The following TATDN1 variants were observed in gnomAD, a reference collection of about 807,000 sequenced individuals.
TATDN1 encodes TatD DNase domain containing 1.
In TATDN1, 40 loss-of-function variants were observed where a neutral mutation model predicts 46.4. That is an observed-to-expected ratio of 0.86 (90% CI 0.67 to 1.12). The LOEUF (loss-of-function observed/expected upper bound fraction) is 1.12, where lower values mean the gene tolerates loss of function less well. Ranked by LOEUF, TATDN1 falls within the 50% of genes most tolerant of loss-of-function variation. The pLI is 0.00. For missense variants in TATDN1, 326 were observed against 348.4 expected (o/e 0.94, Z 0.51); for synonymous variants, 95 against 105.6 (o/e 0.90, Z 0.62).
At chr8:124,510,736 T>C (rs1048129776) in intron 6 of TATDN1, among the ~76,000 whole-genome samples, 2 of 152,016 alleles carry the variant, frequency 1.3e-5, no homozygotes, top group African/African-American at 2.4e-5. Flanking sequence ...GGTGGGAGGA[T>C]TGCTTGAGCC....
At position 124,494,203 on chromosome 8, in the gene TATDN1, TAA is replaced by T. The variant is rs760427967; in HGVS notation, c.665-246_665-245del. ...AACATTGTTGGTGTGCAGCATGCTT[TAA>T]AAAAAAGACCTAAACCTTAAATACA... On this transcript the variant is annotated intron_variant, in intron 10 of 11. Transcript: ENST00000276692. The T allele has an allele frequency of 1.0e-4, 29 of 276,480 alleles. 1 individual carries two copies. Among genetic ancestry groups the T allele is most frequent in the Admixed American group, 6.4e-4 (13 of 20,186 alleles). 17.1% of individuals were successfully genotyped at this position (276,480 alleles called of 1,614,324 possible).
chr8:124,492,115 C>T (rs1237727303), intron 11 of TATDN1, among the ~76,000 whole-genome samples: 7 of 152,078 alleles, frequency 4.6e-5, no homozygotes, highest in African/African-American at 4.8e-5. Context: ...GCTGGCATTA[C>T]GGGCATCCGC....
intron 8 of TATDN1, among the ~76,000 whole-genome samples, chr8:124,506,163 TG>T (rs1338942722): frequency 6.6e-6 from 1 of 151,360 alleles, no homozygotes; most frequent in Non-Finnish European, 1.5e-5. Context: ...GATGAAACCC[TG>T]TCTCTACTGA....
chr8:124,512,149 G>A (rs942277530), intron 6 of TATDN1, among the ~76,000 whole-genome samples: 4 of 152,152 alleles, frequency 2.6e-5, no homozygotes, highest in African/African-American at 9.7e-5. Flanking sequence ...ATGGCCGGGT[G>A]CAGTGGCTCA....
At chr8:124,514,964 GTT>G (rs956837257) in intron 6 of TATDN1, among the ~76,000 whole-genome samples, 1 of 151,928 alleles carries the variant, frequency 6.6e-6, no homozygotes. Context: ...TTTCTTGCTG[GTT>G]TTTTTTAGAG....
At chr8:124,524,111 G>A (rs1820282789) in intron 1 of TATDN1, among the ~76,000 whole-genome samples, 1 of 152,202 alleles carries the variant, frequency 6.6e-6, no homozygotes, top group Non-Finnish European at 1.5e-5. Context: ...TTCTTGGTAT[G>A]TTCTCATTCT....
chr8:124,519,585 ATTTTG>A (rs1330139748), intron 3 of TATDN1, among the ~76,000 whole-genome samples: 3 of 152,198 alleles, frequency 2.0e-5, no homozygotes, highest in African/African-American at 7.2e-5. Flanking sequence ...TATTTAAAAT[ATTTTG>A]TTTTAATTTT....
chr8:124,525,265 C>T (rs549617262), intron 1 of TATDN1, among the ~76,000 whole-genome samples: 2 of 152,272 alleles, frequency 1.3e-5, no homozygotes, highest in African/African-American at 4.8e-5. Context: ...CCTGTCTCAG[C>T]CTCCCAAGTA....
At chr8:124,501,932 G>C (rs147356780) in intron 9 of TATDN1, among the ~76,000 whole-genome samples, 1 of 152,126 alleles carries the variant, frequency 6.6e-6, no homozygotes, top group African/African-American at 2.4e-5. Context: ...TAAAGGATTA[G>C]GAATCAGAGT....
intron 9 of TATDN1, 49 bp from the exon 10 acceptor site, chr8:124,495,591 CCTT>C: frequency 2.1e-6 from 3 of 1,413,422 alleles, no homozygotes; most frequent in Non-Finnish European, 1.9e-6. Flanking sequence ...TTAACGAATA[CCTT>C]TTTTCGTATC....
At chr8:124,537,826 G>T (rs77891434) in intron 1 of TATDN1, among the ~76,000 whole-genome samples, 1 of 151,616 alleles carries the variant, frequency 6.6e-6, no homozygotes, top group Non-Finnish European at 1.5e-5. Flanking sequence ...CTTTTTCCTG[G>T]CACTTAACAT....
At position 124,523,242 on chromosome 8, in the gene TATDN1, T is replaced by C. The variant is rs79656502; in HGVS notation, c.23-240A>G. On this transcript the variant is annotated intron_variant, in intron 1 of 11. Coordinates refer to ENST00000276692, the MANE Select transcript of TATDN1 (RefSeq NM_032026.4). ...GTAAGGCAGATCCATTATCAGACAA[T>C]TATGAAATATTAGAAGTAAACACTG... 1.1e-3 allele frequency: 505 copies of C among 468,574 alleles called. 5 individuals carry two copies. The East Asian group carries it at 0.015, about 14-fold the overall frequency. 29.0% of individuals were successfully genotyped at this position (468,574 alleles called of 1,614,324 possible).
intron 6 of TATDN1, among the ~76,000 whole-genome samples, chr8:124,509,758 G>A (rs1261520460): frequency 6.6e-6 from 1 of 152,082 alleles, no homozygotes; most frequent in African/African-American, 2.4e-5. Context: ...CAGTCTTCAG[G>A]CCGGGCGTGG....
At chr8:124,508,431 A>C in intron 8 of TATDN1, 43 bp downstream of exon 8, 12 of 1,557,132 alleles carry the variant, frequency 7.7e-6, no homozygotes, top group Non-Finnish European at 1.1e-5. Context: ...TTTTTGGATT[A>C]GAGATGTTCA....
At chr8:124,504,416 A>G in intron 8 of TATDN1, 69 bp from the exon 9 acceptor site, 1 of 1,109,590 alleles carries the variant, frequency 9.0e-7, no homozygotes, top group Non-Finnish European at 1.2e-6. Context: ...GACATTAATA[A>G]GACTTTGTAG....
chr8:124,535,014 T>C (rs951874763), intron 1 of TATDN1, among the ~76,000 whole-genome samples: 1 of 152,232 alleles, frequency 6.6e-6, no homozygotes, highest in Non-Finnish European at 1.5e-5. Flanking sequence ...GTAGGTATGA[T>C]TGATTAAATC....
At chr8:124,533,965 T>C (rs1024152058) in intron 1 of TATDN1, among the ~76,000 whole-genome samples, 1 of 151,158 alleles carries the variant, frequency 6.6e-6, no homozygotes, top group African/African-American at 2.4e-5. Context: ...GCTAACACAG[T>C]GAAACCCCGT....
chr8:124,535,123 T>G (rs142544312), intron 1 of TATDN1, among the ~76,000 whole-genome samples: 30 of 152,298 alleles, frequency 2.0e-4, no homozygotes, highest in Admixed American at 1.8e-3. Context: ...TCTAATCACA[T>G]GATGGGTTTT....
intron 7 of TATDN1, 31 bp downstream of exon 7, chr8:124,508,572 A>C: frequency 6.2e-7 from 1 of 1,607,552 alleles, no homozygotes; most frequent in Non-Finnish European, 8.5e-7. Context: ...AAAATTCTTA[A>C]GTTCTGAATG....
Sources: allele counts gnomAD v4.1 joint callset (sites outside exome capture counted in the v4.1 genomes callset), GRCh38; gene constraint gnomAD v4.1.1; transcripts MANE v1.5; gene names NCBI Gene and HGNC (gene_info 2026-07-23, HGNC 2026-07-21).